Variants in CTNND2 observed in about 807,000 individuals in gnomAD.
CTNND2 encodes catenin delta 2.
CTNND2 carries 22 observed loss-of-function variants against 144.4 expected under a neutral mutation model. The observed-to-expected ratio is 0.15, with a 90% CI of 0.11 to 0.22. CTNND2 has a LOEUF of 0.22. Among genes scored for constraint, CTNND2 ranks in the 10% least tolerant of loss-of-function variants. The probability of loss-of-function intolerance (pLI) is 1.00; values close to 1 mark genes in which losing one functional copy is unlikely to be tolerated. For synonymous variants in CTNND2, 751 were observed against 695.6 expected (o/e 1.08, Z -1.25); for missense variants, 1,353 against 1,618.8 (o/e 0.84, Z 2.82).
intron 1 of CTNND2, among the ~76,000 whole-genome samples, chr5:11,872,139 T>G (rs2127052190): frequency 6.6e-6 from 1 of 151,442 alleles, no homozygotes; most frequent in African/African-American, 2.4e-5. Flanking sequence ...GGGTGTTTGG[T>G]TTTCTGTTCC....
intron 2 of CTNND2, among the ~76,000 whole-genome samples, chr5:11,662,201 A>G (rs181950930): frequency 2.2e-5 from 3 of 139,094 alleles, no homozygotes; most frequent in Middle Eastern, 3.6e-3. Flanking sequence ...ATATGTGTAT[A>G]TATGTATATA....
chr5:11,244,510 C>T (rs1213946948), intron 9 of CTNND2, among the ~76,000 whole-genome samples: 1 of 152,144 alleles, frequency 6.6e-6, no homozygotes, highest in East Asian at 1.9e-4. Flanking sequence ...GTCTTGAACT[C>T]CTGACCTCAA....
intron 2 of CTNND2, among the ~76,000 whole-genome samples, chr5:11,718,798 CATTT>C: frequency 6.6e-6 from 1 of 152,074 alleles, no homozygotes; most frequent in African/African-American, 2.4e-5. Context: ...TCTGAAAGCT[CATTT>C]ATTATTATTT....
At chr5:11,628,928 T>A (rs1477314374) in intron 2 of CTNND2, among the ~76,000 whole-genome samples, 4 of 152,174 alleles carry the variant, frequency 2.6e-5, no homozygotes, top group African/African-American at 9.6e-5. Context: ...CAGGAAAAAC[T>A]TTTTAGCAAT....
chr5:11,049,204 A>G (rs966963820), intron 16 of CTNND2, among the ~76,000 whole-genome samples: 3 of 152,130 alleles, frequency 2.0e-5, no homozygotes, highest in African/African-American at 7.2e-5. Flanking sequence ...AAGCCTCCTG[A>G]TATCTATTCC....
At chr5:11,047,550 C>T (rs1745392339) in intron 16 of CTNND2, among the ~76,000 whole-genome samples, 2 of 152,136 alleles carry the variant, frequency 1.3e-5, no homozygotes. Context: ...CAGATACATG[C>T]ATACATATGT....
At chr5:11,311,328 T>G (rs1168037675) in intron 9 of CTNND2, among the ~76,000 whole-genome samples, 1 of 137,814 alleles carries the variant, frequency 7.3e-6, no homozygotes, top group Non-Finnish European at 1.6e-5. Flanking sequence ...TCACCCCACA[T>G]GCCCTCACAC....
intron 5 of CTNND2, among the ~76,000 whole-genome samples, chr5:11,404,602 CTTTTTTTTTTTTTTT>C (rs555388304): frequency 0.22 from 12,468 of 57,880 alleles, 1,481 homozygotes; most frequent in Middle Eastern, 0.39. Flanking sequence ...TATCTGTATT[CTTTTTTTTTTTTTTT>C]TTTTTTTTTT....
intron 10 of CTNND2, among the ~76,000 whole-genome samples, chr5:11,208,518 CAT>C (rs1738290462): frequency 1.3e-5 from 2 of 152,132 alleles, no homozygotes; most frequent in Admixed American, 6.5e-5. Flanking sequence ...AAAAGATACA[CAT>C]GTTTACAAGA....
At chr5:11,649,549 T>C (rs1782540333) in intron 2 of CTNND2, among the ~76,000 whole-genome samples, 1 of 152,048 alleles carries the variant, frequency 6.6e-6, no homozygotes, top group African/African-American at 2.4e-5. Context: ...ACAACTGACC[T>C]CGTGATCCAC....
At chr5:11,471,192 T>C (rs1403238637) in intron 3 of CTNND2, among the ~76,000 whole-genome samples, 1 of 151,632 alleles carries the variant, frequency 6.6e-6, no homozygotes, top group African/African-American at 2.4e-5. Flanking sequence ...TTAGCCAGGA[T>C]GGTCTCGATC....
At chr5:11,818,749 A>C (rs561651328) in intron 1 of CTNND2, among the ~76,000 whole-genome samples, 2 of 152,194 alleles carry the variant, frequency 1.3e-5, no homozygotes, top group Non-Finnish European at 2.9e-5. Flanking sequence ...AAATAAGAGT[A>C]CATCAAAGAG....
intron 1 of CTNND2, among the ~76,000 whole-genome samples, chr5:11,852,672 G>A (rs757317141): frequency 7.9e-5 from 12 of 152,132 alleles, no homozygotes; most frequent in Non-Finnish European, 1.3e-4. Flanking sequence ...ACATGCAGTG[G>A]GAAACAGTCT....
rs199649365 is a variant in CTNND2, at chr5:11,082,697, G to A, written c.2787C>T (p.Ile929=). The change falls in exon 16 of 22, where the codon ATC becomes ATT. Residue 929 remains isoleucine, a splice_region_variant and synonymous_variant. Coordinates refer to ENST00000304623, the MANE Select transcript of CTNND2 (RefSeq NM_001332.4). ...MALDVRNKEL[I]GKYAMRDLVH... ...CACTGTGAATCAGGGAGAACATACC[G>A]ATGAGCTCCTTATTTCTGACGTCCA... 8.2e-5 allele frequency: 133 copies of A among 1,613,928 alleles called. 1 individual carries two copies. The South Asian group carries it at 1.2e-3, about 15-fold the overall frequency.
intron 16 of CTNND2, among the ~76,000 whole-genome samples, chr5:11,026,182 T>C (rs764167610): frequency 6.6e-6 from 1 of 151,996 alleles, no homozygotes; most frequent in Non-Finnish European, 1.5e-5. Context: ...GGTCCTGTGG[T>C]GCACTGAGAT....
rs919111386 is a variant in CTNND2, at chr5:11,110,863, C to T, written c.2458G>A (p.Asp820Asn). The change falls in exon 14 of 22, where the codon GAT becomes AAT. Residue 820 changes from aspartate to asparagine, a missense_variant. By Grantham distance (23) the Asp-to-Asn change is conservative. Around this residue, in one of 4 missense-constraint regions of CTNND2, gnomAD observed 459 missense variants for 674.3 expected, o/e 0.68. Transcript: ENST00000304623. ...CTGCAAGCAGCCTGCATCACCTGAT[C>T]TTGGGATTTCTTTTTCTTCTTCTTC... ...GKKKKKKKSQDQWDGVGPLPD... is the reference protein window; with the variant it reads ...GKKKKKKKSQNQWDGVGPLPD... 6 of 1,612,090 alleles carry T rather than the reference C, an allele frequency of 3.7e-6. No individual in the cohort carries two copies. The highest frequency in any genetic ancestry group is 4.2e-6 in the Non-Finnish European group (5 of 1,179,674).
At chr5:11,037,708 A>C (rs991706894) in intron 16 of CTNND2, among the ~76,000 whole-genome samples, 4 of 152,230 alleles carry the variant, frequency 2.6e-5, no homozygotes, top group African/African-American at 9.6e-5. Flanking sequence ...TTGATCTAAC[A>C]GGTTATGCTT....
chr5:11,159,477 G>A, intron 12 of CTNND2, 99 bp downstream of exon 12: 1 of 951,496 alleles, frequency 1.1e-6, no homozygotes, highest in Non-Finnish European at 1.5e-6. Flanking sequence ...TTTTCAGAAT[G>A]GTCTGATCCT....
chr5:11,662,177 A>ATATATGTGTATATATGTGTATATATG (rs1783266825), intron 2 of CTNND2, among the ~76,000 whole-genome samples: 4 of 131,694 alleles, frequency 3.0e-5, no homozygotes, highest in African/African-American at 8.9e-5. Context: ...GTGTATATAT[A>ATATATGTGTATATATGTGTATATATG]CATATATGTG....
Sources: gnomAD v4.1 joint callset for allele counts (sites outside exome capture counted in the v4.1 genomes callset) on GRCh38, gnomAD v4.1.1 for gene constraint, gnomAD v4.1.1 regional missense constraint, MANE v1.5 for transcripts, NCBI Gene and HGNC (gene_info 2026-07-23, HGNC 2026-07-21) for gene names.